IGF1R: variants seen among roughly 807,000 people sequenced by gnomAD.
The protein encoded by IGF1R is insulin-like growth factor 1 receptor.
A neutral mutation model predicts 144.6 loss-of-function variants in IGF1R; 44 were observed. That is an observed-to-expected ratio of 0.30 (90% CI 0.24 to 0.39). The LOEUF (loss-of-function observed/expected upper bound fraction) is 0.39, where lower values mean the gene tolerates loss of function less well. Among genes scored for constraint, IGF1R ranks in the 10% least tolerant of loss-of-function variants. The probability of loss-of-function intolerance (pLI) is 1.00; values close to 1 mark genes in which losing one functional copy is unlikely to be tolerated. For synonymous variants in IGF1R, 795 were observed against 722.8 expected, an observed-to-expected ratio of 1.10 and a Z score of -1.60; for missense variants, 1,355 against 1,833.7, an observed-to-expected ratio of 0.74 and a Z score of 4.77.
chr15:98,904,872 G>C (rs2014657746), intron 5 of IGF1R, among the ~76,000 whole-genome samples: 1 of 152,214 alleles, frequency 6.6e-6, no homozygotes, highest in African/African-American at 2.4e-5. Context: ...CTTTGTTCCA[G>C]GGGACTTTCA....
chr15:98,934,633 T>G (rs186299682), intron 15 of IGF1R, among the ~76,000 whole-genome samples, 191 bp from the exon 16 acceptor site: 10 of 152,352 alleles, frequency 6.6e-5, no homozygotes. Context: ...ATACTAGTAC[T>G]GACTGTACAG....
chr15:98,867,609 A>G (rs1379259208), intron 2 of IGF1R, among the ~76,000 whole-genome samples: 4 of 152,160 alleles, frequency 2.6e-5, no homozygotes, highest in Non-Finnish European at 5.9e-5. Flanking sequence ...ATCTGTGTGT[A>G]CATCTCATCA....
At chr15:98,956,566 T>G (rs1159919119) in intron 20 of IGF1R, among the ~76,000 whole-genome samples, 1 of 152,148 alleles carries the variant, frequency 6.6e-6, no homozygotes, top group Non-Finnish European at 1.5e-5. Context: ...AGGAGGAAGC[T>G]TAGAAATAGC....
At chr15:98,760,703 G>A (rs1267788023) in intron 2 of IGF1R, among the ~76,000 whole-genome samples, 1 of 152,200 alleles carries the variant, frequency 6.6e-6, no homozygotes, top group African/African-American at 2.4e-5. Flanking sequence ...GTAGTGATTG[G>A]AATGTGTCTA....
intron 2 of IGF1R, among the ~76,000 whole-genome samples, chr15:98,728,135 T>G (rs955303919): frequency 1.3e-5 from 2 of 152,018 alleles, no homozygotes; most frequent in South Asian, 4.1e-4. Context: ...TTTAACTTGC[T>G]TTTTAACTAA....
In IGF1R at chr15:98,956,984, C is replaced by T. The variant is rs2017014600; in HGVS notation, c.3723-77C>T. Reference sequence around the variant, plus strand: ...CCGTACGCTTGTATGCGGGAAACCACTGCAGGCGGCCCATGAAGCCTCCTG... The same window carrying T: ...CCGTACGCTTGTATGCGGGAAACCATTGCAGGCGGCCCATGAAGCCTCCTG... On this transcript the variant is annotated intron_variant, in intron 20 of 20. Transcript: ENST00000650285. 6 of 1,517,470 alleles carry T rather than the reference C, an allele frequency of 4.0e-6. No homozygotes were observed. In the Admixed American group the frequency reaches 8.3e-5, roughly 21 times the overall value. 94.0% of individuals were successfully genotyped at this position (1,517,470 alleles called of 1,614,324 possible).
At chr15:98,838,658 G>T (rs895893590) in intron 2 of IGF1R, among the ~76,000 whole-genome samples, 1 of 152,162 alleles carries the variant, frequency 6.6e-6, no homozygotes, top group African/African-American at 2.4e-5. Context: ...TATTAACCTT[G>T]CCCCACTCAT....
chr15:98,867,894 C>G (rs2012539104), intron 2 of IGF1R, among the ~76,000 whole-genome samples: 1 of 152,122 alleles, frequency 6.6e-6, no homozygotes, highest in Non-Finnish European at 1.5e-5. Flanking sequence ...AGTAAAGTTT[C>G]CACTTTTTAA....
intron 1 of IGF1R, among the ~76,000 whole-genome samples, chr15:98,685,482 TG>T (rs1275827386): frequency 6.6e-6 from 1 of 152,108 alleles, no homozygotes; most frequent in Non-Finnish European, 1.5e-5. Flanking sequence ...CGCTTCCCAG[TG>T]GGTTTCCATC....
At chr15:98,800,471 C>T (rs2056337011) in intron 2 of IGF1R, among the ~76,000 whole-genome samples, 1 of 151,938 alleles carries the variant, frequency 6.6e-6, no homozygotes, top group Non-Finnish European at 1.5e-5. Flanking sequence ...TTGGCAACCC[C>T]CGTTTTACCA....
intron 1 of IGF1R, among the ~76,000 whole-genome samples, chr15:98,666,647 G>C (rs117799625): frequency 2.5e-3 from 378 of 152,312 alleles, no homozygotes; most frequent in Admixed American, 6.1e-3. Context: ...AGGACAAACA[G>C]TGCATAATTG....
intron 10 of IGF1R, among the ~76,000 whole-genome samples, chr15:98,919,468 G>T (rs2015396351): frequency 6.6e-6 from 1 of 152,248 alleles, no homozygotes; most frequent in Non-Finnish European, 1.5e-5. Flanking sequence ...GCTTTCAGTT[G>T]TAGTTACGAG....
At chr15:98,893,825 T>G (rs1567182150) in intron 3 of IGF1R, among the ~76,000 whole-genome samples, 1 of 152,284 alleles carries the variant, frequency 6.6e-6, no homozygotes, top group East Asian at 1.9e-4. Flanking sequence ...AAACTATACA[T>G]CTACCTTTTT....
At position 98,891,451 on chromosome 15, in the gene IGF1R, A is replaced by C. The variant is rs368066914; in HGVS notation, c.767A>C (p.Tyr256Ser). The stretch of plus-strand genomic sequence containing the variant: ...TGTGTAGCTTGCCGCCACTACTACT[A>C]TGCCGGTGTCTGTGTGCCTGCCTGC... ...TACVACRHYY[Y>S]AGVCVPACPP... The change falls in exon 3 of 21, where the codon TAT becomes TCT. Residue 256 changes from tyrosine to serine, a missense_variant. Tyr to Ser is a moderately radical substitution (Grantham distance 144, BLOSUM62 -2). Coordinates refer to ENST00000650285, the MANE Select transcript of IGF1R (RefSeq NM_000875.5). This position sits in a 1 kb window ranked among gnomAD's most constrained non-coding sequence, Gnocchi z 4.7. 6 of 1,613,714 alleles carry C rather than the reference A, an allele frequency of 3.7e-6. No individual in the cohort carries two copies. Among genetic ancestry groups the C allele is most frequent in the Non-Finnish European group, 4.2e-6 (5 of 1,180,010 alleles).
At chr15:98,812,881 C>T (rs955031636) in intron 2 of IGF1R, among the ~76,000 whole-genome samples, 3 of 152,166 alleles carry the variant, frequency 2.0e-5, no homozygotes, top group South Asian at 2.1e-4. Context: ...TGCCTTCACA[C>T]GTGCTGTGAA....
At chr15:98,956,701 C>T (rs3743254) in intron 20 of IGF1R, among the ~76,000 whole-genome samples, 22,047 of 152,226 alleles carry the variant, frequency 0.14, 2,630 homozygotes, top group African/African-American at 0.33. Context: ...CTGCATGAGA[C>T]GCCTCAGATA....
At chr15:98,776,829 C>T (rs530599314) in intron 2 of IGF1R, among the ~76,000 whole-genome samples, 3 of 152,174 alleles carry the variant, frequency 2.0e-5, no homozygotes, top group Non-Finnish European at 2.9e-5. Context: ...TTAAAACGCC[C>T]GTGACCTTGA....
At chr15:98,956,606 T>TG (rs1267133906) in intron 20 of IGF1R, among the ~76,000 whole-genome samples, 1 of 152,168 alleles carries the variant, frequency 6.6e-6, no homozygotes, top group Non-Finnish European at 1.5e-5. Flanking sequence ...AGAGCACTGT[T>TG]GGGGAAGCTG....
chr15:98,811,765 A>G (rs1390405320), intron 2 of IGF1R, among the ~76,000 whole-genome samples: 1 of 151,142 alleles, frequency 6.6e-6, no homozygotes, highest in Non-Finnish European at 1.5e-5. Flanking sequence ...TGTCCACTAA[A>G]AATACAGAAA....
Sources: allele counts gnomAD v4.1 joint callset (sites outside exome capture counted in the v4.1 genomes callset), GRCh38; gene constraint gnomAD v4.1.1; non-coding constraint Gnocchi (gnomAD v3.1); transcripts MANE v1.5; gene names NCBI Gene and HGNC (gene_info 2026-07-23, HGNC 2026-07-21).